The following NCAM1 variants were observed in gnomAD, a reference collection of about 807,000 sequenced individuals.
NCAM1 encodes neural cell adhesion molecule 1.
NCAM1 carries 14 observed loss-of-function variants against 109.8 expected under a neutral mutation model. The observed-to-expected ratio is 0.13, with a 90% CI of 0.08 to 0.20. The LOEUF is 0.20. Ranked by LOEUF, NCAM1 falls within the 10% of genes least tolerant of loss-of-function variation. The probability of loss-of-function intolerance (pLI) is 1.00; values close to 1 mark genes in which losing one functional copy is unlikely to be tolerated. For missense variants in NCAM1, 774 were observed against 1,109.9 expected, an observed-to-expected ratio of 0.70 and a Z score of 4.30; for synonymous variants, 418 against 442.9, an observed-to-expected ratio of 0.94 and a Z score of 0.70.
chr11:113,193,104 T>C (rs1476802153), intron 1 of NCAM1, among the ~76,000 whole-genome samples: 1 of 152,156 alleles, frequency 6.6e-6, no homozygotes, highest in Non-Finnish European at 1.5e-5. Context: ...CTTTTGGAGC[T>C]CTATGGAGAT....
intron 1 of NCAM1, among the ~76,000 whole-genome samples, chr11:113,109,450 C>T (rs1221112216): frequency 6.6e-6 from 1 of 151,862 alleles, no homozygotes; most frequent in Admixed American, 6.6e-5. Flanking sequence ...GCCTGTGCAG[C>T]TAGTGCTATG....
intron 1 of NCAM1, among the ~76,000 whole-genome samples, chr11:113,109,033 A>G (rs1555093106): frequency 6.8e-6 from 1 of 147,636 alleles, no homozygotes; most frequent in African/African-American, 2.5e-5. Context: ...GGCTCCTTGA[A>G]GTATTTTAAC....
At chr11:113,272,319 C>T (rs546210875) in intron 19 of NCAM1, among the ~76,000 whole-genome samples, 2 of 152,210 alleles carry the variant, frequency 1.3e-5, no homozygotes, top group African/African-American at 4.8e-5. Context: ...CGGGGACCCA[C>T]GGAGCCCCAG....
At chr11:113,085,307 G>C (rs2135714111) in intron 1 of NCAM1, among the ~76,000 whole-genome samples, 1 of 152,324 alleles carries the variant, frequency 6.6e-6, no homozygotes, top group Middle Eastern at 3.4e-3. Flanking sequence ...ACAATGGCCA[G>C]GGAGTTCTGA....
At chr11:113,062,422 G>A (rs782744469) in intron 1 of NCAM1, among the ~76,000 whole-genome samples, 18 of 152,122 alleles carry the variant, frequency 1.2e-4, no homozygotes, top group Admixed American at 5.2e-4. Flanking sequence ...CTGAATGCCC[G>A]TGATGTTCTG....
intron 1 of NCAM1, among the ~76,000 whole-genome samples, chr11:113,169,248 A>G (rs537351912): frequency 6.6e-6 from 1 of 152,308 alleles, no homozygotes; most frequent in East Asian, 1.9e-4. Context: ...GTGTTTGCCC[A>G]CGTTATGAGG....
intron 1 of NCAM1, among the ~76,000 whole-genome samples, chr11:113,196,287 G>T (rs1224512763): frequency 6.6e-6 from 1 of 152,088 alleles, no homozygotes; most frequent in Non-Finnish European, 1.5e-5. Flanking sequence ...TACTTGTCTG[G>T]AGCCCCCCAT....
At chr11:113,137,555 T>C (rs1555099710) in intron 1 of NCAM1, among the ~76,000 whole-genome samples, 1 of 152,194 alleles carries the variant, frequency 6.6e-6, no homozygotes, top group East Asian at 1.9e-4. Flanking sequence ...TCTCCAAAAA[T>C]ATGAAACCTA....
intron 1 of NCAM1, among the ~76,000 whole-genome samples, chr11:113,074,874 T>C (rs531995480): frequency 1.6e-3 from 250 of 152,182 alleles, no homozygotes; most frequent in African/African-American, 5.6e-3. Context: ...TCAGGTGATC[T>C]GCCCGCCTCG....
rs1468109018 is a variant in NCAM1, at chr11:113,068,712, T to A, written c.52+107048T>A. Among the ~76,000 whole-genome samples the A allele has an allele frequency of 2.0e-5, 3 of 152,096 alleles. No homozygotes were observed. In the East Asian group the frequency reaches 5.8e-4, roughly 29 times the overall value. ...AAACATTCTACCAAAAGGATCTCAT[T>A]TCGAAACCAGGCCCTGCTTGTGACT... On this transcript the variant is annotated intron_variant, in intron 1 of 19. Coordinates refer to ENST00000316851, the MANE Select transcript of NCAM1 (RefSeq NM_181351.5).
rs201270539 is a variant in NCAM1, at chr11:113,198,373, A to AT, written c.53-3990dup. ...ATGATGGCAGCAACTTGATATTAGAATTTTTTTTTTTTTTTTGAGATGGAG... is the reference window on the plus strand; with the variant it reads ...ATGATGGCAGCAACTTGATATTAGAATTTTTTTTTTTTTTTTTGAGATGGAG... On this transcript the variant is annotated intron_variant, in intron 1 of 19. Coordinates refer to ENST00000316851, the MANE Select transcript of NCAM1 (RefSeq NM_181351.5). Among the ~76,000 whole-genome samples the AT allele has an allele frequency of 8.4e-3, 1,209 of 144,504 alleles. 9 individuals carry two copies. Among genetic ancestry groups the AT allele is most frequent in the African/African-American group, 0.019 (748 of 39,482 alleles). 94.8% of individuals were successfully genotyped at this position (144,504 alleles called of 152,430 possible).
At position 112,961,659 on chromosome 11, in the gene NCAM1, C is replaced by A. The variant is rs1555063074; in HGVS notation, c.47C>A (p.Thr16Asn). Residue 16 changes from threonine to asparagine, a missense_variant, in exon 1 of 20, where the codon ACT becomes AAT. By Grantham distance (65) the Thr-to-Asn change is moderately conservative. This residue lies in a region of NCAM1 where 112 missense variants were observed against 142.0 expected (regional missense o/e 0.79). Transcript: ENST00000316851. ...DLIWTLFFLG[T>N]AVSLQVDIVP... is the part of the protein sequence containing the mutation. ...ATCTGGACTTTGTTTTTCCTGGGAA[C>A]TGCAGGTACATTTTTTTTTTTTTTA... 2 of 1,461,808 alleles carry A rather than the reference C, an allele frequency of 1.4e-6. No homozygotes were observed. The highest frequency in any genetic ancestry group is 1.9e-6 in the Non-Finnish European group (2 of 1,053,356). 90.6% of individuals were successfully genotyped at this position (1,461,808 alleles called of 1,614,324 possible). A position where few individuals can be genotyped will look rare whatever the true frequency, so the allele number is the denominator to read the frequency against.
chr11:112,981,743 G>A (rs1472257348), intron 1 of NCAM1, among the ~76,000 whole-genome samples: 1 of 151,850 alleles, frequency 6.6e-6, no homozygotes, highest in South Asian at 2.1e-4. Context: ...TAAGGAATTT[G>A]AAGAATCTTT....
At chr11:113,095,685 A>C (rs572577862) in intron 1 of NCAM1, among the ~76,000 whole-genome samples, 6 of 152,228 alleles carry the variant, frequency 3.9e-5, no homozygotes, top group Non-Finnish European at 8.8e-5. Context: ...CAACAATCTT[A>C]CAAGGCAGAT....
intron 1 of NCAM1, among the ~76,000 whole-genome samples, chr11:112,972,052 G>A (rs1410941214): frequency 3.3e-5 from 5 of 152,100 alleles, no homozygotes; most frequent in African/African-American, 9.7e-5. Flanking sequence ...GGTAGACGAC[G>A]GAGAGAGAGA....
intron 1 of NCAM1, among the ~76,000 whole-genome samples, chr11:113,023,757 G>T (rs2135267076): frequency 6.6e-6 from 1 of 152,190 alleles, no homozygotes; most frequent in Middle Eastern, 3.4e-3. Flanking sequence ...TTGTTTTAAT[G>T]ATGTTGAGTG....
intron 1 of NCAM1, among the ~76,000 whole-genome samples, chr11:113,076,583 A>AT: frequency 6.6e-6 from 1 of 152,294 alleles, no homozygotes; most frequent in Middle Eastern, 3.4e-3. Context: ...TTTTTCTTGT[A>AT]TTCTATTTCT....
intron 1 of NCAM1, among the ~76,000 whole-genome samples, chr11:113,009,312 G>GTTTTGTTGTTGTTTT (rs1951972253): frequency 1.3e-5 from 1 of 79,656 alleles, no homozygotes; most frequent in Non-Finnish European, 2.4e-5. Context: ...GTTTTTTCGG[G>GTTTTGTTGTTGTTTT]TTTTTTTTTT....
chr11:113,141,592 T>G (rs1388526262), intron 1 of NCAM1, among the ~76,000 whole-genome samples: 1 of 152,218 alleles, frequency 6.6e-6, no homozygotes, highest in Non-Finnish European at 1.5e-5. Context: ...GAGGTTGCAG[T>G]GAGCTGAGAT....
Sources: allele counts gnomAD v4.1 joint callset (sites outside exome capture counted in the v4.1 genomes callset), GRCh38; gene constraint gnomAD v4.1.1; regional missense constraint gnomAD v4.1.1; transcripts MANE v1.5; gene names NCBI Gene and HGNC (gene_info 2026-07-23, HGNC 2026-07-21).